The following TINAG variants were observed in gnomAD, a reference collection of about 807,000 sequenced individuals.
TINAG encodes tubulointerstitial nephritis antigen.
A neutral mutation model predicts 72.7 loss-of-function variants in TINAG; 83 were observed. The ratio of observed to expected loss-of-function variants is 1.14; its 90% CI spans 0.96 to 1.37. The LOEUF is 1.37. Among genes scored for constraint, TINAG ranks in the 40% most tolerant of loss-of-function variants. TINAG has a pLI of 0.00. For synonymous variants in TINAG, 234 were observed against 189.9 expected (o/e 1.23, Z -1.91); for missense variants, 685 against 576.6 (o/e 1.19, Z -1.93).
intron 5 of TINAG, 63 bp from the exon 6 acceptor site, chr6:54,347,304 T>C: frequency 3.2e-6 from 5 of 1,559,540 alleles, no homozygotes; most frequent in Non-Finnish European, 4.4e-6. Flanking sequence ...CAAAAAGGGT[T>C]ATGTACCTTA....
chr6:54,342,464 G>T (rs1340583520), intron 4 of TINAG, among the ~76,000 whole-genome samples: 1 of 151,772 alleles, frequency 6.6e-6, no homozygotes, highest in African/African-American at 2.4e-5. Flanking sequence ...CACCTCCCAG[G>T]TTCAAGTGAT....
Position 54,343,486 on chromosome 6 carries a change from A to C in TINAG, c.748+137A>C, listed in dbSNP as rs1785049298. On this transcript the variant is annotated intron_variant, in intron 5 of 10. Coordinates refer to ENST00000259782, the MANE Select transcript of TINAG (RefSeq NM_014464.4). The stretch of plus-strand genomic sequence containing the variant: ...TCAAATAAAATCTCATTATGATGGA[A>C]GAAAGTAACCTGAAGATTATATAAA... The C allele has an allele frequency of 5.3e-6, 5 of 940,608 alleles. No homozygotes were observed. The South Asian group carries it at 2.0e-4, about 37-fold the overall frequency. 58.3% of individuals were successfully genotyped at this position (940,608 alleles called of 1,614,324 possible).
chr6:54,380,029 G>T (rs527503753), intron 9 of TINAG, among the ~76,000 whole-genome samples: 3 of 152,158 alleles, frequency 2.0e-5, no homozygotes, highest in African/African-American at 7.2e-5. Context: ...AACATGCAAT[G>T]TTTGGTTTTC....
intron 1 of TINAG, 39 bp from the exon 2 acceptor site, chr6:54,320,539 TA>T (rs1372784045): frequency 1.3e-6 from 2 of 1,506,038 alleles, no homozygotes; most frequent in Non-Finnish European, 1.8e-6. Context: ...CTTTATTACT[TA>T]GTTTAGCATT....
At chr6:54,329,031 C>A (rs868782919) in intron 4 of TINAG, among the ~76,000 whole-genome samples, 4 of 152,156 alleles carry the variant, frequency 2.6e-5, no homozygotes, top group African/African-American at 9.6e-5. Context: ...GCGAATAGAA[C>A]CAAGTTGGAA....
At chr6:54,389,760 T>C (rs1363552949) in intron 10 of TINAG, 31 bp from the exon 11 acceptor site, 1 of 1,562,646 alleles carries the variant, frequency 6.4e-7, no homozygotes, top group Admixed American at 2.2e-5. Context: ...AGTATGTTTC[T>C]CAACTTTTTT....
At chr6:54,318,771 G>T (rs373870123) in intron 1 of TINAG, among the ~76,000 whole-genome samples, 1 of 152,108 alleles carries the variant, frequency 6.6e-6, no homozygotes. Flanking sequence ...TGTAGCAAAG[G>T]AGTGAGTGGA....
chr6:54,322,295 G>C (rs765294539), intron 3 of TINAG, among the ~76,000 whole-genome samples: 13 of 151,622 alleles, frequency 8.6e-5, no homozygotes, highest in Non-Finnish European at 1.2e-4. Flanking sequence ...GAATCGGGGG[G>C]TGAAACCCTG....
At chr6:54,320,366 T>C (rs751640740) in intron 1 of TINAG, among the ~76,000 whole-genome samples, 1 of 152,168 alleles carries the variant, frequency 6.6e-6, no homozygotes, top group Non-Finnish European at 1.5e-5. Flanking sequence ...TGGAACATAA[T>C]ATGCAGTTTA....
chr6:54,318,045 C>G (rs1227830157), intron 1 of TINAG, among the ~76,000 whole-genome samples: 7 of 152,096 alleles, frequency 4.6e-5, no homozygotes, highest in Non-Finnish European at 8.8e-5. Context: ...TGTTCCCTCA[C>G]AGGCCACTCC....
chr6:54,354,979 G>A (rs1486276293), intron 9 of TINAG, among the ~76,000 whole-genome samples: 2 of 151,856 alleles, frequency 1.3e-5, no homozygotes, highest in Non-Finnish European at 2.9e-5. Flanking sequence ...TGGGGAGATG[G>A]TTTTGAATAG....
chr6:54,328,950 G>A (rs968607549), intron 4 of TINAG, among the ~76,000 whole-genome samples: 12 of 152,030 alleles, frequency 7.9e-5, no homozygotes, highest in African/African-American at 2.9e-4. Flanking sequence ...AACAAACAAA[G>A]CATCCAAGAA....
rs550089263 is a variant in TINAG, at chr6:54,334,394, T to G, written c.624+7478T>G. On this transcript the variant is annotated intron_variant, in intron 4 of 10. Transcript: ENST00000259782. ...TTTAATGTACTTTGCTTTTGAGTGA[T>G]GTAATCACCTGAGTTATTGTTCCAA... Among the ~76,000 whole-genome samples, 13 of 152,342 alleles carry G rather than the reference T, an allele frequency of 8.5e-5. No individual in the cohort carries two copies. The East Asian group carries it at 2.5e-3, about 29-fold the overall frequency.
chr6:54,378,458 AACTT>A (rs1763849673), intron 9 of TINAG, among the ~76,000 whole-genome samples: 1 of 152,162 alleles, frequency 6.6e-6, no homozygotes. Context: ...CTTGAAAAGA[AACTT>A]ACAGCAACTC....
At chr6:54,385,559 C>T (rs1021408492) in intron 10 of TINAG, among the ~76,000 whole-genome samples, 2 of 151,712 alleles carry the variant, frequency 1.3e-5, no homozygotes, top group Admixed American at 6.6e-5. Flanking sequence ...ATTTTCCAAA[C>T]ATTTAAGGAA....
intron 7 of TINAG, 61 bp from the exon 8 acceptor site, chr6:54,351,291 A>G (rs960233742): frequency 2.8e-6 from 4 of 1,449,082 alleles, no homozygotes; most frequent in African/African-American, 2.8e-5. Context: ...TTGTACACCA[A>G]TCAATGGGTT....
At chr6:54,339,861 C>T (rs183499177) in intron 4 of TINAG, among the ~76,000 whole-genome samples, 19 of 152,170 alleles carry the variant, frequency 1.2e-4, no homozygotes, top group African/African-American at 4.3e-4. Context: ...TCTCAGGTCA[C>T]TATAAGCATC....
chr6:54,308,976 TTTC>T, intron 1 of TINAG, 71 bp downstream of exon 1: 1 of 1,252,158 alleles, frequency 8.0e-7, no homozygotes. Flanking sequence ...GTTCTCTCTT[TTTC>T]TTCTTTCTTT....
At chr6:54,354,055 C>A (rs186266064) in intron 8 of TINAG, among the ~76,000 whole-genome samples, 1 of 151,868 alleles carries the variant, frequency 6.6e-6, no homozygotes, top group Non-Finnish European at 1.5e-5. Flanking sequence ...CTTTTTTATT[C>A]CAACTCACAA....
Sources: allele counts gnomAD v4.1 joint callset (sites outside exome capture counted in the v4.1 genomes callset), GRCh38; gene constraint gnomAD v4.1.1; transcripts MANE v1.5; gene names NCBI Gene and HGNC (gene_info 2026-07-23, HGNC 2026-07-21).